Variants in COL18A1 observed in about 807,000 individuals in gnomAD.
The protein encoded by COL18A1 is collagen alpha-1(XVIII) chain.
Under a neutral mutation model 168.0 loss-of-function variants are expected in COL18A1, and 133 were observed. The observed-to-expected ratio is 0.79, with a 90% CI of 0.69 to 0.91. The LOEUF is 0.91. COL18A1 is among the 40% of genes least tolerant of loss of function. COL18A1 has a pLI of 0.00. For synonymous variants in COL18A1, 949 were observed against 809.0 expected (o/e 1.17, Z -2.94); for missense variants, 2,126 against 1,925.4 (o/e 1.10, Z -1.95).
At chr21:45,490,220 C>T (rs1013132164) in intron 19 of COL18A1, 55 bp from the exon 20 acceptor site, 3 of 1,466,042 alleles carry the variant, frequency 2.0e-6, no homozygotes, top group African/African-American at 2.8e-5. Context: ...CGTGGGGGTC[C>T]CTGCATTCCT....
chr21:45,427,232 C>G (rs1352310607), intron 2 of COL18A1, among the ~76,000 whole-genome samples: 1 of 152,162 alleles, frequency 6.6e-6, no homozygotes, highest in Non-Finnish European at 1.5e-5. Context: ...CCATCGCAGC[C>G]CTTTCTCTCT....
chr21:45,439,306 A>G (rs996555278), intron 2 of COL18A1, among the ~76,000 whole-genome samples: 1 of 152,174 alleles, frequency 6.6e-6, no homozygotes, highest in Non-Finnish European at 1.5e-5. Context: ...CGGAGGGCGC[A>G]GCGCGTTCCG....
Position 45,471,657 on chromosome 21 carries a change from G to A in COL18A1, c.652-2238G>A, listed in dbSNP as rs1382429338. 6.6e-6 allele frequency among the ~76,000 whole-genome samples: 1 copy of A among 152,170 alleles called. No homozygotes were observed. Among genetic ancestry groups the A allele is most frequent in the Non-Finnish European group, 1.5e-5 (1 of 68,044 alleles). On this transcript the variant is annotated intron_variant, in intron 3 of 41. Transcript: ENST00000651438. This position sits in a 1 kb window ranked among gnomAD's most constrained non-coding sequence, Gnocchi z 4.4. Reference sequence around the variant, plus strand: ...CTTTCTTGAGTCAGGTTTGTCAGTGGTCGTCTCCCGGGAAATCATGCACCC... The same window carrying A: ...CTTTCTTGAGTCAGGTTTGTCAGTGATCGTCTCCCGGGAAATCATGCACCC...
intron 2 of COL18A1, among the ~76,000 whole-genome samples, chr21:45,412,837 G>A (rs1191833321): frequency 2.0e-5 from 3 of 152,242 alleles, no homozygotes; most frequent in Admixed American, 2.0e-4. Context: ...GCTTCTCACA[G>A]TAGTGGCTAA....
At chr21:45,435,033 T>C (rs2034062728) in intron 2 of COL18A1, among the ~76,000 whole-genome samples, 2 of 152,158 alleles carry the variant, frequency 1.3e-5, no homozygotes, top group South Asian at 4.2e-4. Context: ...GTGGGATTTG[T>C]CCCTGGAGCA....
At chr21:45,490,467 T>TGGGTTCCTGGGCCTCCATGTGCCCCCCC in intron 20 of COL18A1, 121 bp downstream of exon 20, 1 of 783,240 alleles carries the variant, frequency 1.3e-6, no homozygotes, top group Admixed American at 2.4e-5. Context: ...TGTGCCCTCG[T>TGGGTTCCTGGGCCTCCATGTGCCCCCCC]GGGTCCCTGG....
At chr21:45,501,651 G>GA (rs373399613) in intron 32 of COL18A1, among the ~76,000 whole-genome samples, 1 of 151,952 alleles carries the variant, frequency 6.6e-6, no homozygotes. Context: ...AGGTGGTGGG[G>GA]CCTCCACAGC....
intron 6 of COL18A1, 61 bp from the exon 7 acceptor site, chr21:45,477,350 G>A (rs1280698741): frequency 3.1e-5 from 44 of 1,424,384 alleles, no homozygotes; most frequent in East Asian, 4.9e-5. Flanking sequence ...CTGGGGTGCC[G>A]AGAGCAGAGC....
intron 32 of COL18A1, among the ~76,000 whole-genome samples, chr21:45,503,529 T>C (rs1303499350): frequency 4.6e-4 from 69 of 150,992 alleles, no homozygotes; most frequent in Middle Eastern, 3.4e-3. Flanking sequence ...AGTAAACTAT[T>C]GCAAGAACAA....
intron 2 of COL18A1, chr21:45,455,580 GC>G (rs1568879247): frequency 3.7e-6 from 6 of 1,613,770 alleles, no homozygotes; most frequent in Non-Finnish European, 5.1e-6. Flanking sequence ...CTCTTCTGCT[GC>G]CTGGCGGCTG....
intron 2 of COL18A1, among the ~76,000 whole-genome samples, chr21:45,447,673 A>G (rs8133622): frequency 0.21 from 32,463 of 152,112 alleles, 3,432 homozygotes; most frequent in East Asian, 0.25. Context: ...GGAACCCAGA[A>G]TGGCCAAAGC....
At position 45,509,394 on chromosome 21, in the gene COL18A1, G is replaced by T; in HGVS notation, c.3288G>T (p.Gln1096His). The T allele has an allele frequency of 6.5e-7, 1 of 1,543,436 alleles. No homozygotes were observed. Among genetic ancestry groups the T allele is most frequent in the Non-Finnish European group, 8.7e-7 (1 of 1,145,182 alleles). The part of the protein sequence containing the change: ...EVAALQPPVV[Q>H]LHDSNPYPRR... ...CCGCCTTGCAGCCCCCCGTGGTGCAGCTGCACGACAGCAACCCCTACCCGC... is the reference window on the plus strand; with the variant it reads ...CCGCCTTGCAGCCCCCCGTGGTGCATCTGCACGACAGCAACCCCTACCCGC... The change falls in exon 39 of 42, where the codon CAG (glutamine) becomes CAT (histidine). Residue 1096 changes from glutamine to histidine, a missense_variant. By Grantham distance (24) the Gln-to-His change is conservative. Coordinates refer to ENST00000651438, the MANE Select transcript of COL18A1 (RefSeq NM_001379500.1).
Position 45,496,482 on chromosome 21 carries a change from T to A in COL18A1, c.2509-18T>A, listed in dbSNP as rs770868693. The stretch of plus-strand genomic sequence containing the variant: ...ACAGGCAGGCCATAAGCCTAACAGC[T>A]CTCTGCCCTCCCCACAGGGAATGCC... On this transcript the variant is annotated intron_variant, in intron 29 of 41. Coordinates refer to ENST00000651438, the MANE Select transcript of COL18A1 (RefSeq NM_001379500.1). 8.5e-7 allele frequency: 1 copy of A among 1,181,044 alleles called. No individual in the cohort carries two copies. The highest frequency in any genetic ancestry group is 1.3e-6 in the Non-Finnish European group (1 of 784,864). The allele number at this position is 1,181,044 out of a possible 1,614,324, so 73.2% of individuals were successfully genotyped here.
intron 16 of COL18A1, 61 bp downstream of exon 16, chr21:45,487,053 C>T: frequency 7.0e-7 from 1 of 1,426,772 alleles, no homozygotes; most frequent in Middle Eastern, 2.6e-4. Context: ...CCCAGCCCTA[C>T]TACCCCTGGC....
intron 29 of COL18A1, chr21:45,496,071 C>CATGCCCTCCATGCCCTCTATGCCCTCT (rs2036530840): frequency 1.1e-5 from 4 of 368,780 alleles, no homozygotes; most frequent in African/African-American, 2.1e-5. Context: ...GGGCCTGGGC[C>CATGCCCTCCATGCCCTCTATGCCCTCT]ATGCCCTCCA....
Position 45,415,059 on chromosome 21 carries a change from C to T in COL18A1, c.106+9586C>T, listed in dbSNP as rs560054788. 3.6e-4 allele frequency among the ~76,000 whole-genome samples: 55 copies of T among 152,298 alleles called. 2 individuals are homozygous for T. The highest frequency in any genetic ancestry group is 2.7e-3 in the Admixed American group (41 of 15,304). ...CACCGTGACTTCTGACTTCCAGTCTCCTGAGCTCTGAGGGATGCCTGTGTT... is the reference window on the plus strand; with the variant it reads ...CACCGTGACTTCTGACTTCCAGTCTTCTGAGCTCTGAGGGATGCCTGTGTT... On this transcript the variant is annotated intron_variant, in intron 2 of 41. Coordinates refer to ENST00000651438, the MANE Select transcript of COL18A1 (RefSeq NM_001379500.1).
Position 45,504,436 on chromosome 21 carries a change from T to C in COL18A1, c.2748T>C (p.Gly916=), listed in dbSNP as rs778554912. 2 of 1,611,408 alleles carry C rather than the reference T, an allele frequency of 1.2e-6. No homozygotes were observed. Among genetic ancestry groups the C allele is most frequent in the Non-Finnish European group, 1.7e-6 (2 of 1,179,352 alleles). ...AEMKGEKGDR[G]DAGQKGERGE... ...CACAGGGGGAGAAGGGAGACCGAGG[T>C]GATGCAGGACAGAAAGGCGAAAGGG... Residue 916 remains glycine (G), a synonymous_variant, in exon 34 of 42, where the codon GGT becomes GGC. Transcript: ENST00000651438.
chr21:45,482,170 T>C, intron 14 of COL18A1, 145 bp downstream of exon 14: 1 of 683,870 alleles, frequency 1.5e-6, no homozygotes, highest in Non-Finnish European at 2.6e-6. Flanking sequence ...CCTCGCGCTC[T>C]GGAGGTCACC....
chr21:45,470,803 A>G (rs2035395167), intron 3 of COL18A1, among the ~76,000 whole-genome samples: 1 of 152,162 alleles, frequency 6.6e-6, no homozygotes, highest in South Asian at 2.1e-4. Context: ...TGATGTGTTT[A>G]TGTGGTTAAA....
Sources: gnomAD v4.1 joint callset for allele counts (sites outside exome capture counted in the v4.1 genomes callset) on GRCh38, gnomAD v4.1.1 for gene constraint, Gnocchi (gnomAD v3.1) non-coding constraint, MANE v1.5 for transcripts, NCBI Gene and HGNC (gene_info 2026-07-23, HGNC 2026-07-21) for gene names.